TMTC1: variants seen among roughly 807,000 people sequenced by gnomAD.
TMTC1 encodes the protein transmembrane O-mannosyltransferase targeting cadherins 1, also known as protein O-mannosyl-transferase TMTC1.
In TMTC1, 73 loss-of-function variants were observed where a neutral mutation model predicts 104.8. The ratio of observed to expected loss-of-function variants is 0.70; its 90% confidence interval spans 0.58 to 0.85. The LOEUF (loss-of-function observed/expected upper bound fraction) is 0.85, where lower values mean the gene tolerates loss of function less well. TMTC1 is among the 40% of genes least tolerant of loss of function. The probability of loss-of-function intolerance (pLI) is 0.00; values close to 1 mark genes in which losing one functional copy is unlikely to be tolerated. For missense variants in TMTC1, 1,035 were observed against 1,096.1 expected (o/e 0.94, Z 0.79); for synonymous variants, 434 against 428.7 (o/e 1.01, Z -0.15).
At chr12:29,599,277 G>C (rs1284586678) in intron 7 of TMTC1, among the ~76,000 whole-genome samples, 1 of 152,196 alleles carries the variant, frequency 6.6e-6, no homozygotes, top group Non-Finnish European at 1.5e-5. Context: ...ATAAAAGAAT[G>C]ATTTCAGCCC....
intron 5 of TMTC1, among the ~76,000 whole-genome samples, chr12:29,724,716 G>T (rs1009691393): frequency 6.6e-6 from 1 of 152,028 alleles, no homozygotes; most frequent in Non-Finnish European, 1.5e-5. Context: ...GAATACAAAC[G>T]TGGTGAAACC....
chr12:29,685,650 A>G (rs572038370), intron 5 of TMTC1, among the ~76,000 whole-genome samples: 131 of 152,256 alleles, frequency 8.6e-4, no homozygotes, highest in Non-Finnish European at 1.6e-3. Context: ...CAGAAAAAAA[A>G]GAGGCCTGGT....
In TMTC1 at chr12:29,783,852, C is replaced by G; in HGVS notation, c.-101G>C. Reference sequence around the variant, plus strand: ...CGCGGCGTCTGCCCGGAGGGGGGCTCGGGCATGGTGCTGCGGCAGCTGGAC... The same window carrying G: ...CGCGGCGTCTGCCCGGAGGGGGGCTGGGGCATGGTGCTGCGGCAGCTGGAC... On this transcript the variant is annotated 5_prime_UTR_variant, in exon 1 of 18. Coordinates refer to ENST00000539277, the MANE Select transcript of TMTC1 (RefSeq NM_001193451.2). This position sits in a 1 kb window ranked among gnomAD's most constrained non-coding sequence, Gnocchi z 4.7. 1 of 1,033,814 alleles carries G rather than the reference C, an allele frequency of 9.7e-7. No homozygotes were observed. Among genetic ancestry groups the G allele is most frequent in the Non-Finnish European group, 1.2e-6 (1 of 856,764 alleles). 64.0% of individuals were successfully genotyped at this position (1,033,814 alleles called of 1,614,324 possible). A position where few individuals can be genotyped will look rare whatever the true frequency, so the allele number is the denominator to read the frequency against.
chr12:29,633,876 T>C (rs1013199456), intron 5 of TMTC1, among the ~76,000 whole-genome samples: 4 of 152,244 alleles, frequency 2.6e-5, no homozygotes, highest in African/African-American at 9.6e-5. Context: ...GGAGGTGTTA[T>C]GCCTGTTTCC....
At chr12:29,639,274 T>C (rs957066525) in intron 5 of TMTC1, among the ~76,000 whole-genome samples, 2 of 152,008 alleles carry the variant, frequency 1.3e-5, no homozygotes, top group East Asian at 3.9e-4. Flanking sequence ...TAATGAGAAA[T>C]GGAAGATGAA....
At chr12:29,656,207 G>A (rs1939746715) in intron 5 of TMTC1, among the ~76,000 whole-genome samples, 1 of 151,896 alleles carries the variant, frequency 6.6e-6, no homozygotes, top group South Asian at 2.1e-4. Flanking sequence ...AACTTTACTC[G>A]GGAAAGGAAT....
intron 9 of TMTC1, among the ~76,000 whole-genome samples, chr12:29,564,935 CAGAAA>C (rs1277871912): frequency 6.6e-6 from 1 of 151,518 alleles, no homozygotes; most frequent in South Asian, 2.1e-4. Flanking sequence ...GAACCTTGAG[CAGAAA>C]AGAAGAGATC....
intron 7 of TMTC1, among the ~76,000 whole-genome samples, chr12:29,587,363 T>G (rs2136343367): frequency 6.6e-6 from 1 of 152,152 alleles, no homozygotes; most frequent in South Asian, 2.1e-4. Flanking sequence ...AGACAGGGAC[T>G]CACTTTGTCT....
chr12:29,755,799 C>T lies in TMTC1; in HGVS notation c.641G>A (p.Cys214Tyr). The change falls in exon 4 of 18, where the codon TGT becomes TAT. Residue 214 changes from cysteine (C) to tyrosine (Y), a missense_variant. By Grantham distance (194) the Cys-to-Tyr change is radical (BLOSUM62 -2). Transcript: ENST00000539277. Reference protein sequence around the residue: ...FLLLSLFLGTCAMLVKETGIT... With the variant: ...FLLLSLFLGTYAMLVKETGIT... ...GCCTGTCTCTTTCACCAGCATCGCA[C>T]AGGTCCCCAGAAACAAACTGAGCAG... The T allele has an allele frequency of 6.2e-7, 1 of 1,614,166 alleles. No individual in the cohort carries two copies. Among genetic ancestry groups the T allele is most frequent in the Non-Finnish European group, 8.5e-7 (1 of 1,180,022 alleles).
Position 29,782,984 on chromosome 12 carries a change from G to T in TMTC1, c.302+466C>A, listed in dbSNP as rs540435641. ...GGCTCCCGCCTCGTCTCATCTGAAC[G>T]AAACCCTTAAGGGGCTGATACACTT... On this transcript the variant is annotated intron_variant, in intron 1 of 17. Coordinates refer to ENST00000539277, the MANE Select transcript of TMTC1 (RefSeq NM_001193451.2). The T allele has an allele frequency of 1.1e-3, 163 of 154,400 alleles. 1 individual carries two copies. In the South Asian group the frequency reaches 0.016, roughly 15 times the overall value. 9.6% of individuals were successfully genotyped at this position (154,400 alleles called of 1,614,324 possible).
At chr12:29,517,367 GCT>G in intron 14 of TMTC1, 58 bp downstream of exon 14, 1 of 1,598,770 alleles carries the variant, frequency 6.3e-7, no homozygotes, top group South Asian at 1.1e-5. Flanking sequence ...GAGGACTACA[GCT>G]CTCTCTATGG....
chr12:29,775,838 C>T (rs909752449), intron 1 of TMTC1, among the ~76,000 whole-genome samples: 1 of 152,092 alleles, frequency 6.6e-6, no homozygotes, highest in Non-Finnish European at 1.5e-5. Context: ...ACAGCCAGCC[C>T]TCACCCTATA....
intron 9 of TMTC1, among the ~76,000 whole-genome samples, chr12:29,570,525 A>G (rs1327505600): frequency 6.6e-6 from 1 of 152,218 alleles, no homozygotes; most frequent in African/African-American, 2.4e-5. Context: ...TTTGATAGCA[A>G]ACTTGATATC....
chr12:29,744,042 C>A (rs1277980405), intron 5 of TMTC1, among the ~76,000 whole-genome samples: 1 of 152,130 alleles, frequency 6.6e-6, no homozygotes, highest in African/African-American at 2.4e-5. Context: ...CTTTCAACAG[C>A]CTGTTGTGAC....
intron 5 of TMTC1, among the ~76,000 whole-genome samples, chr12:29,740,208 G>A (rs570017086): frequency 6.6e-6 from 1 of 152,204 alleles, no homozygotes; most frequent in East Asian, 1.9e-4. Context: ...GAGGAGATGG[G>A]GTCTGTGATG....
chr12:29,775,391 A>G (rs184847223), intron 1 of TMTC1, among the ~76,000 whole-genome samples: 1 of 152,252 alleles, frequency 6.6e-6, no homozygotes, highest in East Asian at 1.9e-4. Context: ...AGTACTTCTG[A>G]CCAACTGGCT....
intron 17 of TMTC1, 100 bp downstream of exon 17, chr12:29,511,943 A>T: frequency 8.5e-7 from 1 of 1,173,732 alleles, no homozygotes; most frequent in Non-Finnish European, 1.3e-6. Flanking sequence ...GATTTCAAAA[A>T]GGAAATTAAC....
Position 29,511,613 on chromosome 12 carries a change from G to GGTATATTA in TMTC1, c.2508+422_2508+429dup, listed in dbSNP as rs1943839501. ...TTCCAGTAAAAAATTAGGGAGAAAA[G>GGTATATTA]GTATATTAGACATAAGAAATAGGAA... On this transcript the variant is annotated intron_variant, in intron 17 of 17. Coordinates refer to ENST00000539277, the MANE Select transcript of TMTC1 (RefSeq NM_001193451.2). 2.0e-5 allele frequency among the ~76,000 whole-genome samples: 3 copies of GGTATATTA among 152,022 alleles called. No homozygotes were observed. In the South Asian group the frequency reaches 6.2e-4, roughly 32 times the overall value.
chr12:29,606,801 A>G (rs1946710426), intron 6 of TMTC1, among the ~76,000 whole-genome samples: 1 of 152,050 alleles, frequency 6.6e-6, no homozygotes, highest in Admixed American at 6.5e-5. Flanking sequence ...TTCTCTCTAT[A>G]TCCCCAGCAT....
Sources: gnomAD v4.1 joint callset for allele counts (sites outside exome capture counted in the v4.1 genomes callset) on GRCh38, gnomAD v4.1.1 for gene constraint, Gnocchi (gnomAD v3.1) non-coding constraint, MANE v1.5 for transcripts, NCBI Gene and HGNC (gene_info 2026-07-23, HGNC 2026-07-21) for gene names.